CCT6A: variants seen among roughly 807,000 people sequenced by gnomAD.
CCT6A encodes the protein chaperonin containing TCP1 subunit 6A, also known as T-complex protein 1 subunit zeta.
Under a neutral mutation model 58.6 loss-of-function variants are expected in CCT6A, and 6 were observed. The observed-to-expected ratio is 0.10, with a 90% CI of 0.06 to 0.20. The LOEUF is 0.20. Among genes scored for constraint, CCT6A ranks in the 10% least tolerant of loss-of-function variants. CCT6A has a pLI of 1.00. For missense variants in CCT6A, 516 were observed against 648.8 expected (o/e 0.80, Z 2.22); for synonymous variants, 245 against 227.8 (o/e 1.08, Z -0.68).
intron 9 of CCT6A, 159 bp downstream of exon 9, chr7:56,059,799 C>T (rs1794394454): frequency 1.8e-6 from 1 of 556,866 alleles, no homozygotes. Context: ...AGTGATCCTC[C>T]CGCCTCAGGC....
At chr7:56,058,557 A>G (rs1175325781) in intron 7 of CCT6A, 36 bp downstream of exon 7, 6 of 1,577,058 alleles carry the variant, frequency 3.8e-6, no homozygotes, top group Non-Finnish European at 5.2e-6. Context: ...ACTAAATAGT[A>G]CGTATCATCC....
chr7:56,058,567 C>G (rs376606361), intron 7 of CCT6A, 46 bp downstream of exon 7: 9 of 1,575,072 alleles, frequency 5.7e-6, no homozygotes, highest in African/African-American at 2.7e-5. Context: ...ACGTATCATC[C>G]TTTTTACTTT....
chr7:56,056,168 A>G (rs1794298805), intron 4 of CCT6A, 143 bp from the exon 5 acceptor site: 2 of 643,778 alleles, frequency 3.1e-6, no homozygotes, highest in East Asian at 2.8e-5. Flanking sequence ...CCTTTTACAT[A>G]TAATGTATTC....
Position 56,054,361 on chromosome 7 carries a change from A to T in CCT6A, c.202-8A>T, listed in dbSNP as rs765848090. 1.8e-5 allele frequency: 29 copies of T among 1,595,540 alleles called. No individual in the cohort carries two copies. The highest frequency in any genetic ancestry group is 2.2e-4 in the Middle Eastern group (1 of 4,542). On this transcript the variant is annotated splice_polypyrimidine_tract_variant and splice_region_variant and intron_variant, in intron 2 of 13. Coordinates refer to ENST00000275603, the MANE Select transcript of CCT6A (RefSeq NM_001762.4). ...GTTTTAAGTGATTCATTCTTTTTCT[A>T]CTTACAGCAAATTCAACACCCAACA...
chr7:56,058,282 A>T, intron 6 of CCT6A, 80 bp from the exon 7 acceptor site: 1 of 1,110,268 alleles, frequency 9.0e-7, no homozygotes, highest in Non-Finnish European at 1.3e-6. Context: ...GTGAACTGTT[A>T]AATCTTAGGA....
At chr7:56,059,007 T>A in intron 8 of CCT6A, 1 of 192,694 alleles carries the variant, frequency 5.2e-6, no homozygotes. Context: ...TAAAAAGCTT[T>A]TTTTAAAAAT....
In CCT6A at chr7:56,060,383, G is replaced by A; in HGVS notation, c.1180G>A (p.Gly394Ser). 1 of 1,613,958 alleles carries A rather than the reference G, an allele frequency of 6.2e-7. No individual in the cohort carries two copies. The highest frequency in any genetic ancestry group is 2.2e-5 in the East Asian group (1 of 44,870). Residue 394 changes from glycine (G) to serine (S), a missense_variant, in exon 10 of 14, where the codon GGC (glycine) becomes AGC (serine). Gly to Ser is a moderately conservative substitution (Grantham distance 56). Coordinates refer to ENST00000275603, the MANE Select transcript of CCT6A (RefSeq NM_001762.4). ...LTQIKDAVRDGLRAVKNAIDD... is the reference protein window; with the variant it reads ...LTQIKDAVRDSLRAVKNAIDD... ...TCAGATCAAAGATGCAGTGAGGGACGGCTTGAGGGCTGTCAAAAATGCTAT... is the reference window on the plus strand; with the variant it reads ...TCAGATCAAAGATGCAGTGAGGGACAGCTTGAGGGCTGTCAAAAATGCTAT...
At position 56,051,802 on chromosome 7, in the gene CCT6A, G is replaced by T. The variant is rs1363409500; in HGVS notation, c.-47G>T. On this transcript the variant is annotated 5_prime_UTR_variant, in exon 1 of 14. Transcript: ENST00000275603. ...TAGTTCCTCCCGGCCACGCCGCGCC[G>T]GCTCTGGGCACTCAGCATCGTTTCC... 5 of 1,538,202 alleles carry T rather than the reference G, an allele frequency of 3.3e-6. No homozygotes were observed. Among genetic ancestry groups the T allele is most frequent in the Non-Finnish European group, 4.4e-6 (5 of 1,142,120 alleles).
intron 8 of CCT6A, 131 bp downstream of exon 8, chr7:56,058,833 G>A (rs1794369646): frequency 5.3e-6 from 3 of 570,796 alleles, no homozygotes; most frequent in Admixed American, 6.3e-5. Context: ...TGTGCACCCC[G>A]TCAGCACTGT....
chr7:56,057,200 T>C (rs1306663489), intron 5 of CCT6A, among the ~76,000 whole-genome samples: 4 of 152,216 alleles, frequency 2.6e-5, no homozygotes, highest in Non-Finnish European at 1.5e-5. Context: ...ATAAGGTGAA[T>C]GTTATGTTTA....
intron 4 of CCT6A, 75 bp from the exon 5 acceptor site, chr7:56,056,236 C>T: frequency 1.2e-6 from 1 of 819,028 alleles, no homozygotes; most frequent in Non-Finnish European, 2.2e-6. Context: ...AAACTGCCTA[C>T]TTTAGCCTTC....
At position 56,063,431 on chromosome 7, in the gene CCT6A, G is replaced by A. The variant is rs958445091; in HGVS notation, c.*346G>A. ...TTTAATGGTTTAATTTTATGTGGAC[G>A]TATGTTAAATTATCCAACTACCCTA... On this transcript the variant is annotated 3_prime_UTR_variant, in exon 14 of 14. Transcript: ENST00000275603. 10 of 250,916 alleles carry A rather than the reference G, an allele frequency of 4.0e-5. No individual in the cohort carries two copies. Among genetic ancestry groups the A allele is most frequent in the African/African-American group, 1.2e-4 (5 of 43,342 alleles). The allele number at this position is 250,916 out of a possible 1,614,324, so 15.5% of individuals were successfully genotyped here. A position where few individuals can be genotyped will look rare whatever the true frequency, so the allele number is the denominator to read the frequency against.
chr7:56,059,560 G>A lies in CCT6A; in HGVS notation c.985G>A (p.Gly329Ser). 1 of 1,603,062 alleles carries A rather than the reference G, an allele frequency of 6.2e-7. No individual in the cohort carries two copies. Among genetic ancestry groups the A allele is most frequent in the Non-Finnish European group, 8.5e-7 (1 of 1,169,986 alleles). ...CTATTTCAGGCTGACTCTTGCTTGTGGTGGGGTAGCCCTGAATTCTTTTGA... is the reference window on the plus strand; with the variant it reads ...CTATTTCAGGCTGACTCTTGCTTGTAGTGGGGTAGCCCTGAATTCTTTTGA... ...RNMERLTLACGGVALNSFDDL... is the reference protein window; with the variant it reads ...RNMERLTLACSGVALNSFDDL... Residue 329 changes from glycine (G) to serine (S), a missense_variant, in exon 9 of 14, where the codon GGT (glycine) becomes AGT (serine). This residue lies in a region of CCT6A where 315 missense variants were observed against 389.4 expected (regional missense o/e 0.81). Coordinates refer to ENST00000275603, the MANE Select transcript of CCT6A (RefSeq NM_001762.4).
At chr7:56,059,499 C>T in intron 8 of CCT6A, 45 bp from the exon 9 acceptor site, 1 of 926,500 alleles carries the variant, frequency 1.1e-6, no homozygotes, top group African/African-American at 1.6e-5. Flanking sequence ...CTTTGAAATT[C>T]ACTGGTAACG....
Position 56,061,807 on chromosome 7 carries a change from C to T in CCT6A, c.1408C>T (p.His470Tyr), listed in dbSNP as rs1794446696. 1 of 1,594,622 alleles carries T rather than the reference C, an allele frequency of 6.3e-7. No homozygotes were observed. Among genetic ancestry groups the T allele is most frequent in the South Asian group, 1.1e-5 (1 of 90,188 alleles). The change falls in exon 12 of 14, where the codon CAT (histidine) becomes TAT (tyrosine). Residue 470 changes from histidine (H) to tyrosine (Y), a missense_variant. Coordinates refer to ENST00000275603, the MANE Select transcript of CCT6A (RefSeq NM_001762.4). ...AACATTAGTTAAAATTCAAGCAGAA[C>T]ATTCAGAATCAGGTCAGCTTGTGGG... ...QETLVKIQAE[H>Y]SESGQLVGVD...
intron 3 of CCT6A, among the ~76,000 whole-genome samples, chr7:56,055,071 C>T (rs1323651065): frequency 2.0e-5 from 3 of 152,114 alleles, no homozygotes; most frequent in African/African-American, 7.2e-5. Context: ...GTTGGGAGTT[C>T]GAGACCAGTC....
chr7:56,058,203 C>A, intron 6 of CCT6A, 100 bp downstream of exon 6: 1 of 900,392 alleles, frequency 1.1e-6, no homozygotes. Context: ...GACAATAATG[C>A]TCAAATTGGT....
At chr7:56,056,544 G>A in intron 5 of CCT6A, 130 bp downstream of exon 5, 1 of 613,432 alleles carries the variant, frequency 1.6e-6, no homozygotes, top group East Asian at 2.9e-5. Context: ...CCAACATGGG[G>A]AAACCCCGTC....
At chr7:56,058,178 G>C in intron 6 of CCT6A, 75 bp downstream of exon 6, 1 of 997,552 alleles carries the variant, frequency 1.0e-6, no homozygotes, top group Non-Finnish European at 1.6e-6. Context: ...GTGAAACTTT[G>C]TTTCCCACTG....
Sources: allele counts gnomAD v4.1 joint callset (sites outside exome capture counted in the v4.1 genomes callset), GRCh38; gene constraint gnomAD v4.1.1; regional missense constraint gnomAD v4.1.1; transcripts MANE v1.5; gene names NCBI Gene and HGNC (gene_info 2026-07-23, HGNC 2026-07-21).